RGMB: variants seen among roughly 807,000 people sequenced by gnomAD.
RGMB encodes the protein repulsive guidance molecule B.
RGMB carries 16 observed loss-of-function variants against 26.9 expected under a neutral mutation model. That is an observed-to-expected ratio of 0.60 (90% CI 0.40 to 0.90). The LOEUF is 0.90. RGMB is among the 40% of genes least tolerant of loss of function. The pLI is 0.00. For missense variants in RGMB, 512 were observed against 573.3 expected, an observed-to-expected ratio of 0.89 and a Z score of 1.09; for synonymous variants, 225 against 229.3, an observed-to-expected ratio of 0.98 and a Z score of 0.17.
At chr5:98,785,958 C>T (rs951561799) in intron 2 of RGMB, among the ~76,000 whole-genome samples, 1 of 152,142 alleles carries the variant, frequency 6.6e-6, no homozygotes, top group Non-Finnish European at 1.5e-5. Flanking sequence ...AGTAAATTGC[C>T]TGGAGGTGAA....
chr5:98,776,658 C>A (rs1746412564), intron 1 of RGMB, among the ~76,000 whole-genome samples: 1 of 152,248 alleles, frequency 6.6e-6, no homozygotes, highest in Non-Finnish European at 1.5e-5. Context: ...ATCGCACTTT[C>A]TATTTAGCCC....
chr5:98,782,531 G>A (rs368566517), intron 2 of RGMB, among the ~76,000 whole-genome samples: 1 of 152,126 alleles, frequency 6.6e-6, no homozygotes, highest in South Asian at 2.1e-4. Flanking sequence ...CAAGTGCATA[G>A]ACCAGTTGTT....
rs577351927 is a variant in RGMB at position 98,784,905 on chromosome 5, A to G, written c.645+4817A>G. Among the ~76,000 whole-genome samples the G allele has an allele frequency of 2.2e-4, 33 of 152,332 alleles. 1 individual carries two copies. Among genetic ancestry groups the G allele is most frequent in the South Asian group, 1.2e-3 (6 of 4,826 alleles). On this transcript the variant is annotated intron_variant, in intron 2 of 2. Transcript: ENST00000513185. ...CGCATGGTATTTGTGGGGGAAAAAT[A>G]GACCATTTTCCCTCCACAAGGAAAC...
At chr5:98,782,574 G>C (rs937423183) in intron 2 of RGMB, among the ~76,000 whole-genome samples, 1 of 152,166 alleles carries the variant, frequency 6.6e-6, no homozygotes, top group Non-Finnish European at 1.5e-5. Flanking sequence ...GTAGATACCA[G>C]ATCATCCTTG....
In RGMB at chr5:98,794,554, T is replaced by A. The variant is rs953291684; in HGVS notation, c.*801T>A. On this transcript the variant is annotated 3_prime_UTR_variant, in exon 3 of 3. Coordinates refer to ENST00000513185, the MANE Select transcript of RGMB (RefSeq NM_001366508.1). ...ACTTTTTCTCATCCCATGCCCCGTT[T>A]TAAATTGTCAGTTTTCCCTCTGACT... is the stretch of plus-strand genomic sequence containing the variant. 6.6e-6 allele frequency: 1 copy of A among 152,250 alleles called. No homozygotes were observed. The highest frequency in any genetic ancestry group is 2.4e-5 in the African/African-American group (1 of 41,464). The allele number at this position is 152,250 out of a possible 1,614,324, so 9.4% of individuals were successfully genotyped here.
intron 2 of RGMB, 170 bp downstream of exon 2, chr5:98,780,258 C>T: frequency 1.7e-6 from 1 of 586,970 alleles, no homozygotes; most frequent in South Asian, 2.9e-5. Context: ...TAAGGAATTT[C>T]TTATTGGAAT....
At chr5:98,789,504 G>A (rs1249954076) in intron 2 of RGMB, among the ~76,000 whole-genome samples, 2 of 151,994 alleles carry the variant, frequency 1.3e-5, no homozygotes, top group African/African-American at 4.8e-5. Context: ...CCGGTGGAAA[G>A]GAGAGGCAGG....
At chr5:98,773,602 G>A (rs1364196911), upstream of RGMB, 3 of 253,446 alleles carry the variant, frequency 1.2e-5, no homozygotes, top group Non-Finnish European at 1.5e-5. Context: ...GGATTGGCGG[G>A]CACAGGGCGG....
At chr5:98,778,312 A>G (rs1348559132) in intron 1 of RGMB, among the ~76,000 whole-genome samples, 1 of 152,124 alleles carries the variant, frequency 6.6e-6, no homozygotes, top group African/African-American at 2.4e-5. Flanking sequence ...TTGCATCCAC[A>G]TCTTGAAATA....
At chr5:98,770,489 G>A, upstream of RGMB, 1 of 463,748 alleles carries the variant, frequency 2.2e-6, no homozygotes, top group East Asian at 3.5e-5. Flanking sequence ...AGGGATTGCG[G>A]GGGCCCGTTG....
In RGMB at chr5:98,795,515, C is replaced by T. The variant is rs1019380619; in HGVS notation, c.*1762C>T. ...TTCATGTAGAGGTGGCAAACCTCTA[C>T]CTTGTGTTGATGAGAGAATAATCTT... On this transcript the variant is annotated 3_prime_UTR_variant, in exon 3 of 3. Coordinates refer to ENST00000513185, the MANE Select transcript of RGMB (RefSeq NM_001366508.1). The T allele has an allele frequency of 6.6e-6, 1 of 152,142 alleles. No homozygotes were observed. Among genetic ancestry groups the T allele is most frequent in the African/African-American group, 2.4e-5 (1 of 41,404 alleles). 9.4% of individuals were successfully genotyped at this position (152,142 alleles called of 1,614,324 possible).
intron 1 of RGMB, among the ~76,000 whole-genome samples, chr5:98,774,863 A>C (rs1019018471): frequency 2.0e-5 from 3 of 152,170 alleles, no homozygotes; most frequent in Non-Finnish European, 4.4e-5. Flanking sequence ...ACAGATAACC[A>C]TGCTGCCTTC....
At chr5:98,779,183 G>T (rs1035538309) in intron 1 of RGMB, among the ~76,000 whole-genome samples, 4 of 152,128 alleles carry the variant, frequency 2.6e-5, no homozygotes, top group African/African-American at 7.2e-5. Context: ...AGGAAGTTAT[G>T]CAATTTTGGA....
At chr5:98,787,975 T>G (rs1316116424) in intron 2 of RGMB, among the ~76,000 whole-genome samples, 1 of 152,234 alleles carries the variant, frequency 6.6e-6, no homozygotes. Context: ...ATTCTCTATC[T>G]GCTGCCAAGT....
chr5:98,780,292 TAGAC>T, intron 2 of RGMB: 2 of 533,868 alleles, frequency 3.7e-6, no homozygotes, highest in East Asian at 3.0e-5. Context: ...TAATTTTAAA[TAGAC>T]AGTGATATAA....
In RGMB at chr5:98,795,746, GAGT is replaced by G. The variant is rs556017111; in HGVS notation, c.*1998_*2000del. The stretch of plus-strand genomic sequence containing the variant: ...ATCGTTAATAATTTGTTTTATAATT[GAGT>G]AGTACAAGCGAGGAAAAAATACGGA... On this transcript the variant is annotated 3_prime_UTR_variant, in exon 3 of 3. Coordinates refer to ENST00000513185, the MANE Select transcript of RGMB (RefSeq NM_001366508.1). 4 of 152,246 alleles carry G rather than the reference GAGT, an allele frequency of 2.6e-5. No individual in the cohort carries two copies. The East Asian group carries it at 7.7e-4, about 29-fold the overall frequency. The allele number at this position is 152,246 out of a possible 1,614,324, so 9.4% of individuals were successfully genotyped here.
At chr5:98,787,141 T>C (rs562340534) in intron 2 of RGMB, among the ~76,000 whole-genome samples, 79 of 152,324 alleles carry the variant, frequency 5.2e-4, no homozygotes, top group African/African-American at 1.5e-3. Flanking sequence ...CATAAAGATA[T>C]TGTTTTGTAG....
intron 2 of RGMB, among the ~76,000 whole-genome samples, chr5:98,788,117 G>A (rs1363980424): frequency 6.6e-6 from 1 of 152,200 alleles, no homozygotes; most frequent in African/African-American, 2.4e-5. Context: ...AAAAAGACAT[G>A]AGGATAGAGA....
chr5:98,790,996 A>G (rs966950466), intron 2 of RGMB, among the ~76,000 whole-genome samples: 1 of 152,226 alleles, frequency 6.6e-6, no homozygotes, highest in African/African-American at 2.4e-5. Flanking sequence ...TGCCTTAAAA[A>G]AAAACACTTG....
Sources: allele counts gnomAD v4.1 joint callset (sites outside exome capture counted in the v4.1 genomes callset), GRCh38; gene constraint gnomAD v4.1.1; transcripts MANE v1.5; gene names NCBI Gene and HGNC (gene_info 2026-07-23, HGNC 2026-07-21).